BRD10: variants seen among roughly 807,000 people sequenced by gnomAD.
The protein encoded by BRD10 is bromodomain containing 10.
the BRD10 span, among the ~76,000 whole-genome samples, chr9:5,933,395 C>T: frequency 1.8e-4 from 27 of 152,226 alleles, no homozygotes; most frequent in African/African-American, 5.5e-4. Flanking sequence ...TTCAAGTGTA[C>T]ATTATGGAAC....
chr9:5,940,617 G>A, the BRD10 span, among the ~76,000 whole-genome samples: 1 of 152,140 alleles, frequency 6.6e-6, no homozygotes, highest in African/African-American at 2.4e-5. Context: ...CGCTACTGCT[G>A]GACATATGGA....
the BRD10 span, among the ~76,000 whole-genome samples, chr9:5,918,427 G>A: frequency 6.6e-6 from 1 of 152,098 alleles, no homozygotes; most frequent in Non-Finnish European, 1.5e-5. Context: ...TTTAAAACGA[G>A]GCATATTCTT....
At chr9:5,881,846 G>A in the BRD10 span, among the ~76,000 whole-genome samples, 2 of 152,218 alleles carry the variant, frequency 1.3e-5, no homozygotes, top group African/African-American at 2.4e-5. Flanking sequence ...CTAGAGATGA[G>A]ATCTGAGTGA....
At chr9:6,001,622 T>C in the BRD10 span, among the ~76,000 whole-genome samples, 1 of 152,264 alleles carries the variant, frequency 6.6e-6, no homozygotes, top group Non-Finnish European at 1.5e-5. Context: ...TACAGGGCTT[T>C]ACATATTATC....
chr9:5,951,618 C>T, the BRD10 span, among the ~76,000 whole-genome samples: 1 of 152,068 alleles, frequency 6.6e-6, no homozygotes, highest in African/African-American at 2.4e-5. Context: ...GTGCTAAATA[C>T]CATATCGCTA....
the BRD10 span, chr9:5,897,616 G>A: frequency 1.9e-6 from 3 of 1,614,114 alleles, no homozygotes; most frequent in Non-Finnish European, 2.5e-6. Flanking sequence ...ATCGGCTGTT[G>A]GTATTGTAGA....
the BRD10 span, chr9:5,922,388 G>T: frequency 6.2e-7 from 1 of 1,613,994 alleles, no homozygotes; most frequent in Non-Finnish European, 8.5e-7. Context: ...ACTCTGGCTA[G>T]TCTTAACTGA....
At chr9:5,985,314 T>C in the BRD10 span, among the ~76,000 whole-genome samples, 1 of 152,106 alleles carries the variant, frequency 6.6e-6, no homozygotes, top group Admixed American at 6.5e-5. Context: ...GAACAAAAAT[T>C]TCCATAACCT....
chr9:5,892,644 T>G, the BRD10 span: 1 of 981,546 alleles, frequency 1.0e-6, no homozygotes, highest in African/African-American at 1.7e-5. Flanking sequence ...CTCGTAAATC[T>G]CCCTAGTGTT....
the BRD10 span, among the ~76,000 whole-genome samples, chr9:5,885,434 G>T: frequency 6.6e-6 from 1 of 150,800 alleles, no homozygotes; most frequent in Non-Finnish European, 1.5e-5. Flanking sequence ...GCAATGGCTC[G>T]ATCTCAGCTC....
At chr9:5,916,554 C>CTATATACAAAACT in the BRD10 span, among the ~76,000 whole-genome samples, 2 of 105,698 alleles carry the variant, frequency 1.9e-5, no homozygotes, top group African/African-American at 7.6e-5. Flanking sequence ...AAACTAATCA[C>CTATATACAAAACT]TATATATAAA....
the BRD10 span, among the ~76,000 whole-genome samples, chr9:5,940,929 T>C: frequency 6.3e-4 from 96 of 152,324 alleles, 1 homozygote; most frequent in South Asian, 0.017. Context: ...AAGACTTTCA[T>C]TTATCATCAC....
At chr9:5,964,418 G>A in the BRD10 span, among the ~76,000 whole-genome samples, 3 of 151,528 alleles carry the variant, frequency 2.0e-5, no homozygotes, top group Non-Finnish European at 2.9e-5. Flanking sequence ...AGGTGCTGGA[G>A]AGGATGTGGA....
At chr9:5,989,661 C>A in the BRD10 span, among the ~76,000 whole-genome samples, 1 of 151,536 alleles carries the variant, frequency 6.6e-6, no homozygotes, top group Non-Finnish European at 1.5e-5. Context: ...TCCTCAGTAG[C>A]TGGGACCACA....
At chr9:5,924,930 A>G in the BRD10 span, 2 of 959,598 alleles carry the variant, frequency 2.1e-6, no homozygotes, top group East Asian at 5.8e-5. Flanking sequence ...TTTAAACTAC[A>G]TATGGAAATA....
At chr9:6,007,132 G>A in the BRD10 span, 2 of 1,518,846 alleles carry the variant, frequency 1.3e-6, no homozygotes, top group South Asian at 1.2e-5. Flanking sequence ...GCCCATCCTC[G>A]GGCACGTGTG....
At chr9:5,920,406 C>G in the BRD10 span, 2 of 1,613,904 alleles carry the variant, frequency 1.2e-6, no homozygotes, top group Non-Finnish European at 1.7e-6. Flanking sequence ...AACTGACTCC[C>G]GACTAGACTA....
At chr9:5,970,157 A>G in the BRD10 span, among the ~76,000 whole-genome samples, 1 of 152,232 alleles carries the variant, frequency 6.6e-6, no homozygotes, top group Non-Finnish European at 1.5e-5. Flanking sequence ...AACAGAAGCA[A>G]AAAGTTATGT....
chr9:5,977,728 G>A, the BRD10 span, among the ~76,000 whole-genome samples: 10 of 152,070 alleles, frequency 6.6e-5, no homozygotes, highest in African/African-American at 2.2e-4. Flanking sequence ...CCAGCTACTC[G>A]GGAGGCTGAG....
Sources: gnomAD v4.1 joint callset for allele counts (sites outside exome capture counted in the v4.1 genomes callset) on GRCh38, gnomAD v4.1.1 for gene constraint, MANE v1.5 for transcripts, NCBI Gene and HGNC (gene_info 2026-07-23, HGNC 2026-07-21) for gene names.